The following XIRP2 variants were observed in gnomAD, a reference collection of about 807,000 sequenced individuals.
XIRP2 encodes xin actin-binding repeat-containing protein 2.
Under a neutral mutation model 277.0 loss-of-function variants are expected in XIRP2, and 236 were observed. That is an observed-to-expected ratio of 0.85 (90% CI 0.77 to 0.95). XIRP2 has a LOEUF of 0.95. XIRP2 is among the 40% of genes least tolerant of loss of function. XIRP2 has a pLI of 0.00. For missense variants in XIRP2, 4,640 were observed against 4,157.5 expected (o/e 1.12, Z -3.19); for synonymous variants, 1,490 against 1,416.5 (o/e 1.05, Z -1.17).
chr2:166,981,145 G>A (rs1686857418), intron 2 of XIRP2, among the ~76,000 whole-genome samples: 1 of 151,876 alleles, frequency 6.6e-6, no homozygotes, highest in African/African-American at 2.4e-5. Flanking sequence ...TAATTTATTG[G>A]GGCTTCCATA....
intron 2 of XIRP2, among the ~76,000 whole-genome samples, chr2:167,110,959 T>G (rs922263452): frequency 3.3e-5 from 5 of 152,150 alleles, no homozygotes; most frequent in African/African-American, 1.2e-4. Flanking sequence ...CATTCCTGAT[T>G]TGGCTCTAGG....
intron 2 of XIRP2, among the ~76,000 whole-genome samples, chr2:166,960,185 C>T (rs955841745): frequency 1.1e-4 from 16 of 151,550 alleles, no homozygotes; most frequent in Admixed American, 9.9e-4. Context: ...ATATCACAAC[C>T]TTGGAGGATT....
chr2:167,094,008 T>C (rs548153725), intron 2 of XIRP2, among the ~76,000 whole-genome samples: 2 of 152,278 alleles, frequency 1.3e-5, no homozygotes, highest in African/African-American at 4.8e-5. Flanking sequence ...TGATCACCAT[T>C]CTAACTGGCA....
chr2:167,161,551 C>T (rs994236332), intron 3 of XIRP2, among the ~76,000 whole-genome samples: 1 of 152,220 alleles, frequency 6.6e-6, no homozygotes, highest in Non-Finnish European at 1.5e-5. Flanking sequence ...ATGGCCCAGG[C>T]TCTATGTTGG....
At chr2:167,035,557 A>C (rs1688487371) in intron 2 of XIRP2, among the ~76,000 whole-genome samples, 1 of 152,194 alleles carries the variant, frequency 6.6e-6, no homozygotes, top group African/African-American at 2.4e-5. Context: ...GCAGCAAAGC[A>C]TTCAAGAGGT....
chr2:166,966,681 T>C (rs1230091947), intron 2 of XIRP2, among the ~76,000 whole-genome samples: 1 of 151,962 alleles, frequency 6.6e-6, no homozygotes, highest in African/African-American at 2.4e-5. Context: ...TTGCTCCATC[T>C]AATTCTATTG....
chr2:167,221,119 T>C (rs896370217), intron 5 of XIRP2, among the ~76,000 whole-genome samples: 3 of 152,084 alleles, frequency 2.0e-5, no homozygotes, highest in Admixed American at 2.0e-4. Flanking sequence ...AAGAATAAAC[T>C]AGTAAACACC....
chr2:167,148,495 AGAAG>A (rs964553427), intron 3 of XIRP2, among the ~76,000 whole-genome samples: 6 of 139,940 alleles, frequency 4.3e-5, no homozygotes, highest in African/African-American at 1.3e-4. Context: ...GGGAGAGGAA[AGAAG>A]GAAGGGAGGG....
At chr2:166,999,769 A>AT in intron 2 of XIRP2, among the ~76,000 whole-genome samples, 1 of 152,024 alleles carries the variant, frequency 6.6e-6, no homozygotes, top group East Asian at 1.9e-4. Flanking sequence ...TGTCAACAAC[A>AT]TTTTTTCTTC....
chr2:167,003,142 A>G (rs1281589608), intron 2 of XIRP2, among the ~76,000 whole-genome samples: 1 of 151,878 alleles, frequency 6.6e-6, no homozygotes, highest in Non-Finnish European at 1.5e-5. Context: ...AACATATGTA[A>G]TACTCATTAA....
chr2:167,241,756 G>T, intron 7 of XIRP2, 21 bp from the exon 8 acceptor site: 1 of 1,588,808 alleles, frequency 6.3e-7, no homozygotes, highest in Non-Finnish European at 8.5e-7. Context: ...TAGTAACCCT[G>T]GTGTGTTTTT....
Position 167,244,473 on chromosome 2 carries a change from C to A in XIRP2, c.3081C>A (p.Asp1027Glu), listed in dbSNP as rs761859928. 1.2e-6 allele frequency: 2 copies of A among 1,613,662 alleles called. No individual in the cohort carries two copies. The highest frequency in any genetic ancestry group is 1.7e-6 in the Non-Finnish European group (2 of 1,179,778). Residue 1027 changes from aspartate (D) to glutamate (E), a missense_variant, in exon 9 of 11, where the codon GAC becomes GAA. Transcript: ENST00000409195. The part of the protein sequence containing the change: ...CRWLFETRPI[D>E]QFDESIHKFQ... ...GGCTTTTTGAAACAAGGCCCATTGA[C>A]CAGTTTGATGAAAGCATTCATAAAT...
At chr2:167,203,418 T>A (rs1693774790) in intron 3 of XIRP2, among the ~76,000 whole-genome samples, 1 of 152,202 alleles carries the variant, frequency 6.6e-6, no homozygotes. Flanking sequence ...ATGGATGGAT[T>A]TTTGGGAAGG....
chr2:167,252,035 C>T (rs535135564), intron 9 of XIRP2, 88 bp downstream of exon 9: 34 of 1,485,690 alleles, frequency 2.3e-5, no homozygotes, highest in East Asian at 1.8e-4. Flanking sequence ...AAAAAGAGTG[C>T]GTGGAAACAA....
intron 3 of XIRP2, among the ~76,000 whole-genome samples, chr2:167,144,348 TA>T (rs775151892): frequency 6.6e-6 from 1 of 152,126 alleles, no homozygotes; most frequent in Non-Finnish European, 1.5e-5. Flanking sequence ...TACAACTTCC[TA>T]ACTGATGAAA....
intron 3 of XIRP2, among the ~76,000 whole-genome samples, chr2:167,140,610 C>T (rs868307539): frequency 1.2e-4 from 18 of 152,240 alleles, no homozygotes; most frequent in Admixed American, 2.6e-4. Context: ...CTTCTGCTTC[C>T]GGACTTGCTT....
At chr2:167,087,779 A>C (rs1025823623) in intron 2 of XIRP2, among the ~76,000 whole-genome samples, 2 of 151,702 alleles carry the variant, frequency 1.3e-5, no homozygotes, top group Non-Finnish European at 1.5e-5. Flanking sequence ...CAAGTGAGGC[A>C]ATGCCTCGCC....
intron 2 of XIRP2, among the ~76,000 whole-genome samples, chr2:166,912,649 G>A (rs867517176): frequency 4.6e-5 from 7 of 152,176 alleles, no homozygotes; most frequent in African/African-American, 7.2e-5. Flanking sequence ...TGTTGCTGGC[G>A]AGGAGCTGCA....
At chr2:167,165,660 A>C (rs1692504042) in intron 3 of XIRP2, among the ~76,000 whole-genome samples, 1 of 152,074 alleles carries the variant, frequency 6.6e-6, no homozygotes, top group Non-Finnish European at 1.5e-5. Context: ...GTGTCTGTTA[A>C]AATGTTTGGC....
Sources: allele counts gnomAD v4.1 joint callset (sites outside exome capture counted in the v4.1 genomes callset), GRCh38; gene constraint gnomAD v4.1.1; transcripts MANE v1.5; gene names NCBI Gene and HGNC (gene_info 2026-07-23, HGNC 2026-07-21).